The following NMT2 variants were observed in gnomAD, a reference collection of about 807,000 sequenced individuals.
NMT2 encodes the protein N-myristoyltransferase 2.
NMT2 carries 35 observed loss-of-function variants against 65.4 expected under a neutral mutation model. The ratio of observed to expected loss-of-function variants is 0.54; its 90% CI spans 0.41 to 0.71. The LOEUF (loss-of-function observed/expected upper bound fraction) is 0.71, where lower values mean the gene tolerates loss of function less well. Among genes scored for constraint, NMT2 ranks in the 30% least tolerant of loss-of-function variants. The probability of loss-of-function intolerance (pLI) is 0.00; values close to 1 mark genes in which losing one functional copy is unlikely to be tolerated. For missense variants in NMT2, 489 were observed against 611.3 expected, an observed-to-expected ratio of 0.80 and a Z score of 2.11; for synonymous variants, 226 against 231.8, an observed-to-expected ratio of 0.98 and a Z score of 0.23.
At chr10:15,138,814 A>G (rs536781567) in intron 2 of NMT2, among the ~76,000 whole-genome samples, 129 of 152,314 alleles carry the variant, frequency 8.5e-4, no homozygotes, top group African/African-American at 3.1e-3. Flanking sequence ...AAAAAAGCCC[A>G]TCTTAAGACA....
At chr10:15,161,097 A>AAAAAAAAAAAAAAC in intron 1 of NMT2, among the ~76,000 whole-genome samples, 3 of 149,596 alleles carry the variant, frequency 2.0e-5, no homozygotes, top group Non-Finnish European at 4.5e-5. Flanking sequence ...AAAAAAAAAA[A>AAAAAAAAAAAAAAC]AAAAAAAAAA....
chr10:15,121,568 C>T (rs1450222885), intron 8 of NMT2, among the ~76,000 whole-genome samples: 1 of 152,116 alleles, frequency 6.6e-6, no homozygotes, highest in Admixed American at 6.6e-5. Flanking sequence ...GGTTTCACCA[C>T]GTTGGCCAGG....
chr10:15,152,458 T>C (rs1832838139), intron 1 of NMT2, among the ~76,000 whole-genome samples: 2 of 152,232 alleles, frequency 1.3e-5, no homozygotes, highest in Admixed American at 6.5e-5. Flanking sequence ...GACTGGGGTC[T>C]CTCCTTTGCC....
chr10:15,127,601 A>AAAAT (rs1846139082), intron 8 of NMT2, among the ~76,000 whole-genome samples: 1 of 148,002 alleles, frequency 6.8e-6, no homozygotes, highest in Non-Finnish European at 1.5e-5. Context: ...TAAATAAAAT[A>AAAAT]AAATAAATAA....
chr10:15,107,680 C>A lies in NMT2; in HGVS notation c.*1515G>T. ...ATGTTGGCCAGGCTGGTCTCGAACC[C>A]CTGACCTCAAATGTTTCGCCCGCCT... On this transcript the variant is annotated 3_prime_UTR_variant, in exon 12 of 12. Transcript: ENST00000378165. 1.3e-6 allele frequency: 1 copy of A among 749,348 alleles called. No individual in the cohort carries two copies. The highest frequency in any genetic ancestry group is 1.6e-6 in the Non-Finnish European group (1 of 615,006). The allele number at this position is 749,348 out of a possible 1,614,324, so 46.4% of individuals were successfully genotyped here.
intron 8 of NMT2, among the ~76,000 whole-genome samples, chr10:15,122,153 T>A (rs901522383): frequency 1.3e-5 from 2 of 152,236 alleles, no homozygotes; most frequent in Admixed American, 6.5e-5. Flanking sequence ...TATCAGAATT[T>A]TTTTTCTTTT....
chr10:15,119,611 G>T, intron 8 of NMT2, 98 bp from the exon 9 acceptor site: 1 of 961,372 alleles, frequency 1.0e-6, no homozygotes. Flanking sequence ...AGCAGAATGA[G>T]CAGCACGCGG....
At chr10:15,136,407 CAG>C (rs983264029) in intron 2 of NMT2, among the ~76,000 whole-genome samples, 6 of 116,734 alleles carry the variant, frequency 5.1e-5, no homozygotes, top group Non-Finnish European at 8.2e-5. Context: ...GGGGGAGAGA[CAG>C]AGAGGGAGAG....
At chr10:15,129,692 C>A (rs1241692408) in intron 7 of NMT2, among the ~76,000 whole-genome samples, 10 of 152,010 alleles carry the variant, frequency 6.6e-5, no homozygotes, top group African/African-American at 2.4e-4. Context: ...TAGATCCACA[C>A]GAGGTCAGGA....
chr10:15,140,005 C>CTGAAGGAAG (rs918528981), intron 2 of NMT2, among the ~76,000 whole-genome samples: 4 of 150,430 alleles, frequency 2.7e-5, no homozygotes, highest in Non-Finnish European at 1.5e-5. Context: ...AGGAACTGGG[C>CTGAAGGAAG]TGAAGGAAGT....
At chr10:15,141,140 C>T (rs2131577789) in intron 2 of NMT2, 3 of 1,003,608 alleles carry the variant, frequency 3.0e-6, no homozygotes, top group Non-Finnish European at 4.5e-6. Context: ...CAAGCTCACA[C>T]TGAGACTTTC....
chr10:15,133,362 A>G lies in NMT2; in HGVS notation c.393T>C (p.Asp131=), dbSNP rs1212209191. The change falls in exon 4 of 12, where the codon GAT becomes GAC. Residue 131 remains aspartate, a splice_region_variant and synonymous_variant. Coordinates refer to ENST00000378165, the MANE Select transcript of NMT2 (RefSeq NM_004808.3). ...FWDTQPVPKL[D]EVITSHGAIE... ...TTGCACCATGAGATGTTATGACTTC[A>G]TCTGAACAGGGAGAGAAAGAGAAAA... is the stretch of plus-strand genomic sequence containing the variant. 1.3e-6 allele frequency: 2 copies of G among 1,596,866 alleles called. No individual in the cohort carries two copies. Among genetic ancestry groups the G allele is most frequent in the Admixed American group, 3.3e-5 (2 of 60,006 alleles).
At chr10:15,161,081 C>CAAAAAAAAAAAAAAAAAAAAA (rs750859200) in intron 1 of NMT2, among the ~76,000 whole-genome samples, 1 of 19,282 alleles carries the variant, frequency 5.2e-5, no homozygotes, top group Non-Finnish European at 9.0e-5. Flanking sequence ...CCTCAAAAAT[C>CAAAAAAAAAAAAAAAAAAAAA]AAAAAAAAAA....
chr10:15,167,653 A>C (rs904193564), intron 1 of NMT2, among the ~76,000 whole-genome samples: 3 of 152,352 alleles, frequency 2.0e-5, no homozygotes, highest in Non-Finnish European at 4.4e-5. Flanking sequence ...TGCCTCTAAA[A>C]AGAGAGCATC....
At chr10:15,127,569 A>T (rs1205464189) in intron 8 of NMT2, among the ~76,000 whole-genome samples, 20 of 75,052 alleles carry the variant, frequency 2.7e-4, no homozygotes, top group South Asian at 1.5e-3. Context: ...AAAAAAAAAA[A>T]ATAAATAAAT....
At chr10:15,140,840 C>G in intron 2 of NMT2, 2 of 724,210 alleles carry the variant, frequency 2.8e-6, no homozygotes, top group Non-Finnish European at 4.7e-6. Context: ...CTCTTCTTGG[C>G]CACCATCTGC....
At chr10:15,156,294 C>T (rs1832995793) in intron 1 of NMT2, among the ~76,000 whole-genome samples, 1 of 152,042 alleles carries the variant, frequency 6.6e-6, no homozygotes, top group Non-Finnish European at 1.5e-5. Context: ...AGGGCTTTCA[C>T]CCCCCTCACT....
chr10:15,135,778 G>C (rs1026057911), intron 2 of NMT2, among the ~76,000 whole-genome samples: 6 of 152,096 alleles, frequency 3.9e-5, no homozygotes, highest in African/African-American at 9.7e-5. Flanking sequence ...CGAGCCTTGG[G>C]TGGGGGGCAC....
chr10:15,127,546 C>CAAAAAAAAAAA (rs1239422956), intron 8 of NMT2, among the ~76,000 whole-genome samples: 21 of 51,374 alleles, frequency 4.1e-4, no homozygotes, highest in African/African-American at 8.9e-4. Context: ...GACTCCGTCT[C>CAAAAAAAAAAA]AAAAAAAAAA....
Sources: gnomAD v4.1 joint callset for allele counts (sites outside exome capture counted in the v4.1 genomes callset) on GRCh38, gnomAD v4.1.1 for gene constraint, MANE v1.5 for transcripts, NCBI Gene and HGNC (gene_info 2026-07-23, HGNC 2026-07-21) for gene names.